The following SEC23IP variants were observed in gnomAD, a reference collection of about 807,000 sequenced individuals.
SEC23IP encodes SEC23-interacting protein.
In SEC23IP, 70 loss-of-function variants were observed where a neutral mutation model predicts 113.4. That is an observed-to-expected ratio of 0.62 (90% CI 0.51 to 0.75). The LOEUF is 0.75. Among genes scored for constraint, SEC23IP ranks in the 30% least tolerant of loss-of-function variants. The pLI is 0.00. For missense variants in SEC23IP, 1,160 were observed against 1,204.9 expected, an observed-to-expected ratio of 0.96 and a Z score of 0.55; for synonymous variants, 398 against 421.0, an observed-to-expected ratio of 0.95 and a Z score of 0.67.
rs749904301 is a variant in SEC23IP at position 119,915,759 on chromosome 10, A to C, written c.1414A>C (p.Arg472=). The stretch of plus-strand genomic sequence containing the variant: ...TTTTTCTTTTGAAGTGGATGATTTT[A>C]GGGTGGTTTCTCTCAAATTGCTGCG... ...RSIIECVDDF[R]VVSLKLLRTH... The change falls in exon 8 of 19, where the codon AGG becomes CGG. Residue 472 remains arginine (R), a synonymous_variant. Transcript: ENST00000369075. The C allele has an allele frequency of 1.3e-6, 2 of 1,565,722 alleles. No homozygotes were observed. Among genetic ancestry groups the C allele is most frequent in the South Asian group, 1.2e-5 (1 of 80,714 alleles).
chr10:119,912,255 A>G, intron 6 of SEC23IP, 91 bp downstream of exon 6: 1 of 1,356,492 alleles, frequency 7.4e-7, no homozygotes, highest in Non-Finnish European at 1.0e-6. Flanking sequence ...AACAGTTATT[A>G]GAATGCCCTG....
chr10:119,895,663 G>A (rs928926874), intron 1 of SEC23IP, among the ~76,000 whole-genome samples: 1 of 152,204 alleles, frequency 6.6e-6, no homozygotes, highest in African/African-American at 2.4e-5. Context: ...TGAGCTGAGT[G>A]TTGAAGGATA....
intron 4 of SEC23IP, among the ~76,000 whole-genome samples, chr10:119,907,974 A>G (rs1012696386): frequency 6.6e-6 from 1 of 152,160 alleles, no homozygotes; most frequent in Non-Finnish European, 1.5e-5. Context: ...AATAAAAATT[A>G]CAGTTTAACT....
rs111644882 is a variant in SEC23IP at position 119,937,242 on chromosome 10, G to A, written c.*21-3344G>A. Among the ~76,000 whole-genome samples the A allele has an allele frequency of 9.1e-3, 1,380 of 152,134 alleles. 21 individuals carry two copies. The highest frequency in any genetic ancestry group is 0.031 in the African/African-American group (1,305 of 41,500). ...AGGATATTAACCTTTGTCATTATAA[G>A]TATTTTTTCCCAGTTTGAAATTAGC... On this transcript the variant is annotated intron_variant, in intron 18 of 18. Transcript: ENST00000369075.
intron 11 of SEC23IP, 47 bp from the exon 12 acceptor site, chr10:119,920,839 GTTC>G: frequency 1.6e-6 from 2 of 1,235,436 alleles, no homozygotes; most frequent in Non-Finnish European, 2.3e-6. Context: ...TCTCATTTCA[GTTC>G]TTCTATCACT....
chr10:119,918,516 G>C lies in SEC23IP; in HGVS notation c.1872+5G>C. On this transcript the variant is annotated splice_donor_5th_base_variant and intron_variant, in intron 10 of 18. Transcript: ENST00000369075. ...CTACATTTTCAGGAAAAGCAGGTAC[G>C]TCTGTACGTGGCCAATTAACATTTC... 1 of 1,520,992 alleles carries C rather than the reference G, an allele frequency of 6.6e-7. No individual in the cohort carries two copies. The highest frequency in any genetic ancestry group is 9.1e-7 in the Non-Finnish European group (1 of 1,095,272). 94.2% of individuals were successfully genotyped at this position (1,520,992 alleles called of 1,614,324 possible).
At chr10:119,921,898 T>A (rs1253582632) in intron 12 of SEC23IP, among the ~76,000 whole-genome samples, 1 of 152,208 alleles carries the variant, frequency 6.6e-6, no homozygotes, top group Admixed American at 6.5e-5. Context: ...TTAACCTACA[T>A]CATTTCTTTA....
intron 18 of SEC23IP, among the ~76,000 whole-genome samples, chr10:119,934,307 G>A (rs184768952): frequency 2.3e-4 from 35 of 152,284 alleles, no homozygotes; most frequent in South Asian, 8.3e-4. Context: ...CACATCTGTC[G>A]CTCTTAATTA....
At chr10:119,933,872 C>A in intron 18 of SEC23IP, 85 bp downstream of exon 18, 1 of 607,966 alleles carries the variant, frequency 1.6e-6, no homozygotes, top group Non-Finnish European at 2.8e-6. Flanking sequence ...ACTGATTTTG[C>A]TTTTTTCTGT....
At position 119,941,117 on chromosome 10, in the gene SEC23IP, A is replaced by G. The variant is rs1855951372; in HGVS notation, c.*552A>G. ...GGTCATTTATATTTGTTAAGAGGAAATAATCAAGATCACTCATATCCCAAC... is the reference window on the plus strand; with the variant it reads ...GGTCATTTATATTTGTTAAGAGGAAGTAATCAAGATCACTCATATCCCAAC... On this transcript the variant is annotated 3_prime_UTR_variant, in exon 19 of 19. Coordinates refer to ENST00000369075, the MANE Select transcript of SEC23IP (RefSeq NM_007190.4). The G allele has an allele frequency of 6.6e-6, 1 of 152,250 alleles. No homozygotes were observed. Among genetic ancestry groups the G allele is most frequent in the African/African-American group, 2.4e-5 (1 of 41,466 alleles). 9.4% of individuals were successfully genotyped at this position (152,250 alleles called of 1,614,324 possible).
At chr10:119,895,176 G>A (rs894771748) in intron 1 of SEC23IP, among the ~76,000 whole-genome samples, 1 of 152,144 alleles carries the variant, frequency 6.6e-6, no homozygotes, top group African/African-American at 2.4e-5. Context: ...CTGAGGTCAG[G>A]AGTTCAAGAC....
chr10:119,920,934 G>A lies in SEC23IP; in HGVS notation c.2071G>A (p.Gly691Arg). Reference sequence around the variant, plus strand: ...CCTGAAGGAAATGGGGATACCCCTTGGACCCAGAAAGAAGATAGCTAACTT... The same window carrying A: ...CCTGAAGGAAATGGGGATACCCCTTAGACCCAGAAAGAAGATAGCTAACTT... ...DDLKEMGIPL[G>R]PRKKIANFVE... is the part of the protein sequence containing the mutation. The change falls in exon 12 of 19, where the codon GGA becomes AGA. Residue 691 changes from glycine to arginine, a missense_variant. Transcript: ENST00000369075. The A allele has an allele frequency of 6.2e-7, 1 of 1,613,766 alleles. No homozygotes were observed. Among genetic ancestry groups the A allele is most frequent in the Non-Finnish European group, 8.5e-7 (1 of 1,179,750 alleles).
chr10:119,941,366 G>A lies in SEC23IP; in HGVS notation c.*801G>A, dbSNP rs1367030113. The A allele has an allele frequency of 6.6e-6, 1 of 152,082 alleles. No individual in the cohort carries two copies. The highest frequency in any genetic ancestry group is 1.5e-5 in the Non-Finnish European group (1 of 68,014). The allele number at this position is 152,082 out of a possible 1,614,324, so 9.4% of individuals were successfully genotyped here. A position where few individuals can be genotyped will look rare whatever the true frequency, so the allele number is the denominator to read the frequency against. ...CAATAATGTGAAAACCAAAGTAGAG[G>A]TTTTTTTCTTCTTCTTTTTGTTTTC... On this transcript the variant is annotated 3_prime_UTR_variant, in exon 19 of 19. Coordinates refer to ENST00000369075, the MANE Select transcript of SEC23IP (RefSeq NM_007190.4).
chr10:119,895,523 T>G (rs1854249048), intron 1 of SEC23IP, among the ~76,000 whole-genome samples: 2 of 152,200 alleles, frequency 1.3e-5, no homozygotes, highest in Admixed American at 6.5e-5. Flanking sequence ...TGTAAGCAAC[T>G]GTGATACAGG....
Position 119,932,331 on chromosome 10 carries a change from T to G in SEC23IP, c.2758+13T>G. 2 of 1,589,752 alleles carry G rather than the reference T, an allele frequency of 1.3e-6. No homozygotes were observed. The highest frequency in any genetic ancestry group is 1.7e-6 in the Non-Finnish European group (2 of 1,160,528). On this transcript the variant is annotated intron_variant, in intron 16 of 18. Coordinates refer to ENST00000369075, the MANE Select transcript of SEC23IP (RefSeq NM_007190.4). ...CAAGTAGTTGAAGGTAAATTTGACA[T>G]TTGAGGCATTTTCTAATACAAATGT...
intron 13 of SEC23IP, among the ~76,000 whole-genome samples, chr10:119,926,938 G>A (rs1188067197): frequency 2.6e-5 from 4 of 152,166 alleles, no homozygotes; most frequent in African/African-American, 9.7e-5. Context: ...ACAGGCTGGA[G>A]TGCAGTGATG....
intron 13 of SEC23IP, among the ~76,000 whole-genome samples, chr10:119,927,451 C>T (rs919444965): frequency 1.2e-4 from 19 of 152,088 alleles, no homozygotes; most frequent in African/African-American, 3.6e-4. Flanking sequence ...CGTGTTTCTT[C>T]GAGCTGCTAG....
Position 119,918,626 on chromosome 10 carries a change from GTTTT to G in SEC23IP, c.1872+116_1872+119del, listed in dbSNP as rs1326476719. 1.4e-4 allele frequency: 106 copies of G among 743,158 alleles called. No homozygotes were observed. In the African/African-American group the frequency reaches 1.7e-3, roughly 12 times the overall value. The allele number at this position is 743,158 out of a possible 1,614,324, so 46.0% of individuals were successfully genotyped here. Reference sequence around the variant, plus strand: ...TGTTTGTTTGTTTGTTTGTTTGTTTGTTTTAACTGAGCCTCATTGGTTGCTTGGG... The same window carrying G: ...TGTTTGTTTGTTTGTTTGTTTGTTTGAACTGAGCCTCATTGGTTGCTTGGG... On this transcript the variant is annotated intron_variant, in intron 10 of 18. Transcript: ENST00000369075.
At position 119,921,037 on chromosome 10, in the gene SEC23IP, C is replaced by T. The variant is rs188288003; in HGVS notation, c.2121+53C>T. On this transcript the variant is annotated intron_variant, in intron 12 of 18. Transcript: ENST00000369075. Reference sequence around the variant, plus strand: ...ACTAAAACTCATGGTGTGACCAGCTCGTTTATATTATAGAAAATTTTAATA... The same window carrying T: ...ACTAAAACTCATGGTGTGACCAGCTTGTTTATATTATAGAAAATTTTAATA... 1,688 of 1,297,656 alleles carry T rather than the reference C, an allele frequency of 1.3e-3. 1 individual carries two copies. The highest frequency in any genetic ancestry group is 1.5e-3 in the Non-Finnish European group (1,364 of 900,882). The allele number at this position is 1,297,656 out of a possible 1,614,324, so 80.4% of individuals were successfully genotyped here.
Sources: allele counts gnomAD v4.1 joint callset (sites outside exome capture counted in the v4.1 genomes callset), GRCh38; gene constraint gnomAD v4.1.1; transcripts MANE v1.5; gene names NCBI Gene and HGNC (gene_info 2026-07-23, HGNC 2026-07-21).